The following TTYH2 variants were observed in gnomAD, a reference collection of about 807,000 sequenced individuals.
TTYH2 encodes tweety family member 2.
Under a neutral mutation model 68.3 loss-of-function variants are expected in TTYH2, and 49 were observed. The ratio of observed to expected loss-of-function variants is 0.72; its 90% confidence interval spans 0.57 to 0.91. TTYH2 has a LOEUF of 0.91. Among genes scored for constraint, TTYH2 ranks in the 40% least tolerant of loss-of-function variants. The pLI is 0.00. For synonymous variants in TTYH2, 272 were observed against 300.8 expected (o/e 0.90, Z 0.99); for missense variants, 631 against 700.4 (o/e 0.90, Z 1.12).
In TTYH2 at chr17:74,259,456, C is replaced by T. The variant is rs530744216; in HGVS notation, c.1525-673C>T. ...TCTCGAACTCCTGGGCTCAAACGAT[C>T]CTCCTGCCTCTGTCTCCTAAAGTGC... On this transcript the variant is annotated intron_variant, in intron 13 of 13. Transcript: ENST00000269346. Among the ~76,000 whole-genome samples, 119 of 152,242 alleles carry T rather than the reference C, an allele frequency of 7.8e-4. No homozygotes were observed. In the South Asian group the frequency reaches 0.012, roughly 15 times the overall value.
In TTYH2 at chr17:74,222,717, CTGTT is replaced by C. The variant is rs1433491339; in HGVS notation, c.302+63_302+66del. On this transcript the variant is annotated intron_variant, in intron 2 of 13. Transcript: ENST00000269346. This position sits in a 1 kb window ranked among gnomAD's most constrained non-coding sequence, Gnocchi z 5.2. ...GACTCAGTCTGCAAGGGGCCAGGGA[CTGTT>C]TGACCATGTTCTGACGGAGCTCCAG... 17 of 1,515,406 alleles carry C rather than the reference CTGTT, an allele frequency of 1.1e-5. No individual in the cohort carries two copies. The East Asian group carries it at 3.1e-4, about 28-fold the overall frequency. 93.9% of individuals were successfully genotyped at this position (1,515,406 alleles called of 1,614,324 possible). A position where few individuals can be genotyped will look rare whatever the true frequency, so the allele number is the denominator to read the frequency against.
chr17:74,259,106 T>C (rs1241356182), intron 13 of TTYH2, among the ~76,000 whole-genome samples: 1 of 152,186 alleles, frequency 6.6e-6, no homozygotes, highest in Non-Finnish European at 1.5e-5. Flanking sequence ...AGGCACCTAC[T>C]CTGTACTGGG....
chr17:74,244,282 T>C (rs1484836163), intron 6 of TTYH2, among the ~76,000 whole-genome samples: 2 of 152,366 alleles, frequency 1.3e-5, no homozygotes, highest in Admixed American at 1.3e-4. Context: ...ACACTCATGC[T>C]TCATACCCAG....
chr17:74,256,236 G>A (rs997413502), intron 13 of TTYH2, among the ~76,000 whole-genome samples: 1 of 150,450 alleles, frequency 6.6e-6, no homozygotes, highest in African/African-American at 2.4e-5. Context: ...TAGAGCAGGG[G>A]CTCACCCAGG....
At chr17:74,257,269 G>C (rs1254953164) in intron 13 of TTYH2, among the ~76,000 whole-genome samples, 1 of 152,164 alleles carries the variant, frequency 6.6e-6, no homozygotes, top group Admixed American at 6.5e-5. Context: ...CTAGATTTAA[G>C]ACCTGCCCAG....
chr17:74,247,498 G>C (rs754475956), intron 6 of TTYH2, among the ~76,000 whole-genome samples: 3 of 152,160 alleles, frequency 2.0e-5, no homozygotes, highest in Non-Finnish European at 4.4e-5. Context: ...GGGGTGTGAA[G>C]AGCAGGCCTG....
chr17:74,224,831 C>T (rs2143725199), intron 2 of TTYH2, among the ~76,000 whole-genome samples: 1 of 151,920 alleles, frequency 6.6e-6, no homozygotes, highest in South Asian at 2.1e-4. Flanking sequence ...GAAACCCTGT[C>T]TCTACTAAAA....
chr17:74,252,247 C>G lies in TTYH2; in HGVS notation c.1130C>G (p.Ala377Gly). 6.2e-7 allele frequency: 1 copy of G among 1,613,062 alleles called. No individual in the cohort carries two copies. ...CRGLHKDYLDALAGICYDGLQ... is the reference protein window; with the variant it reads ...CRGLHKDYLDGLAGICYDGLQ... ...CTCTTCCTCCAGGATTATCTGGACG[C>G]TCTTGCTGGCATCTGCTACGACGGC... is the stretch of plus-strand genomic sequence containing the variant. Residue 377 changes from alanine to glycine, a missense_variant, in exon 11 of 14, where the codon GCT (alanine) becomes GGT (glycine). Physicochemically the swap from Ala to Gly is moderately conservative, Grantham distance 60 (BLOSUM62 0). Transcript: ENST00000269346.
At position 74,213,734 on chromosome 17, in the gene TTYH2, C is replaced by A; in HGVS notation, c.129+18C>A. On this transcript the variant is annotated intron_variant, in intron 1 of 13. Transcript: ENST00000269346. The surrounding 1 kb of genome is among the most constrained non-coding windows in gnomAD (Gnocchi z 6.1). Reference sequence around the variant, plus strand: ...ACCAGGAGGTAAGTTTACGCCGCCCCAGACCGCAGCCACGCGCGCCCCAAG... The same window carrying A: ...ACCAGGAGGTAAGTTTACGCCGCCCAAGACCGCAGCCACGCGCGCCCCAAG... 1 of 1,606,930 alleles carries A rather than the reference C, an allele frequency of 6.2e-7. No individual in the cohort carries two copies.
chr17:74,227,583 G>C (rs1455273330), intron 2 of TTYH2, among the ~76,000 whole-genome samples: 3 of 152,138 alleles, frequency 2.0e-5, no homozygotes, highest in Non-Finnish European at 4.4e-5. Context: ...TCCCCTCTGT[G>C]TGGATACAGT....
chr17:74,256,064 C>T (rs2050691114), intron 13 of TTYH2, among the ~76,000 whole-genome samples: 1 of 152,100 alleles, frequency 6.6e-6, no homozygotes, highest in Non-Finnish European at 1.5e-5. Context: ...GAACCCAGTC[C>T]CTGTCTTCAG....
At chr17:74,231,181 G>A (rs146395007) in intron 3 of TTYH2, among the ~76,000 whole-genome samples, 182 bp downstream of exon 3, 12 of 152,346 alleles carry the variant, frequency 7.9e-5, no homozygotes, top group South Asian at 2.1e-4. Context: ...GCAATTGTGC[G>A]TTCCAAGCCT....
chr17:74,247,347 A>G (rs964644731), intron 6 of TTYH2, among the ~76,000 whole-genome samples: 10 of 152,170 alleles, frequency 6.6e-5, no homozygotes, highest in Admixed American at 5.9e-4. Flanking sequence ...ACATGCACAC[A>G]CACAAGGGCA....
chr17:74,259,841 G>C (rs1007222796), intron 13 of TTYH2, among the ~76,000 whole-genome samples: 2 of 152,214 alleles, frequency 1.3e-5, no homozygotes, highest in Non-Finnish European at 2.9e-5. Flanking sequence ...GCTGCTGACT[G>C]CTCCTCCGTG....
intron 13 of TTYH2, among the ~76,000 whole-genome samples, chr17:74,259,025 A>C (rs1410874193): frequency 6.6e-6 from 1 of 151,440 alleles, no homozygotes; most frequent in African/African-American, 2.5e-5. Context: ...CAAGATCCCC[A>C]GGTAGCCTGT....
intron 1 of TTYH2, among the ~76,000 whole-genome samples, chr17:74,219,305 C>G (rs1852512704): frequency 6.7e-6 from 1 of 150,220 alleles, no homozygotes; most frequent in African/African-American, 2.5e-5. Flanking sequence ...AGGAGAATCC[C>G]TTGCACCTGG....
intron 9 of TTYH2, 66 bp downstream of exon 9, chr17:74,250,094 GC>G (rs2050605025): frequency 1.3e-6 from 2 of 1,575,314 alleles, no homozygotes; most frequent in East Asian, 2.3e-5. Flanking sequence ...CCCTGCCCCG[GC>G]CCCAGGGCCA....
chr17:74,233,634 G>A (rs1424167291), intron 3 of TTYH2, among the ~76,000 whole-genome samples: 1 of 152,120 alleles, frequency 6.6e-6, no homozygotes, highest in East Asian at 1.9e-4. Context: ...CACCCACAGA[G>A]TGGGGTGGGC....
intron 3 of TTYH2, among the ~76,000 whole-genome samples, chr17:74,231,666 G>C (rs1036095294): frequency 4.0e-5 from 6 of 151,724 alleles, no homozygotes; most frequent in African/African-American, 9.7e-5. Context: ...AACAGAATGA[G>C]ACTCCATCTC....
Sources: gnomAD v4.1 joint callset for allele counts (sites outside exome capture counted in the v4.1 genomes callset) on GRCh38, gnomAD v4.1.1 for gene constraint, Gnocchi (gnomAD v3.1) non-coding constraint, MANE v1.5 for transcripts, NCBI Gene and HGNC (gene_info 2026-07-23, HGNC 2026-07-21) for gene names.